Variants in ULK4 observed in about 807,000 individuals in gnomAD.
The protein encoded by ULK4 is inactive serine/threonine-protein kinase ULK4.
In ULK4, 133 loss-of-function variants were observed where a neutral mutation model predicts 160.6. That is an observed-to-expected ratio of 0.83 (90% CI 0.72 to 0.96). The LOEUF (loss-of-function observed/expected upper bound fraction) is 0.96, where lower values mean the gene tolerates loss of function less well. ULK4 is among the 40% of genes least tolerant of loss of function. The pLI, the probability that ULK4 is intolerant of heterozygous loss-of-function variation, is 0.00. For missense variants in ULK4, 1,580 were observed against 1,499.5 expected (o/e 1.05, Z -0.89); for synonymous variants, 534 against 539.8 (o/e 0.99, Z 0.15).
chr3:41,381,557 A>T (rs1430501529), intron 35 of ULK4, among the ~76,000 whole-genome samples: 1 of 152,206 alleles, frequency 6.6e-6, no homozygotes, highest in East Asian at 1.9e-4. Flanking sequence ...AATTGGAATC[A>T]TCTTTGACTA....
intron 22 of ULK4, among the ~76,000 whole-genome samples, chr3:41,733,725 ATT>A (rs778572755): frequency 7.5e-5 from 7 of 93,592 alleles, no homozygotes; most frequent in Admixed American, 1.1e-4. Flanking sequence ...TAAACACATG[ATT>A]TTTTTTTTTT....
At chr3:41,298,106 T>G (rs1356389799) in intron 35 of ULK4, among the ~76,000 whole-genome samples, 1 of 152,132 alleles carries the variant, frequency 6.6e-6, no homozygotes, top group African/African-American at 2.4e-5. Context: ...CCAAATAATA[T>G]CATACACCAT....
chr3:41,826,866 G>A (rs2041375878), intron 18 of ULK4, among the ~76,000 whole-genome samples: 2 of 142,838 alleles, frequency 1.4e-5, no homozygotes, highest in Non-Finnish European at 3.0e-5. Context: ...ATTTTTTTCA[G>A]CACCACAACA....
intron 35 of ULK4, among the ~76,000 whole-genome samples, chr3:41,354,776 G>C (rs1292646095): frequency 6.6e-6 from 1 of 152,166 alleles, no homozygotes; most frequent in African/African-American, 2.4e-5. Flanking sequence ...ATTATAACTT[G>C]TTTTTACAAA....
At chr3:41,472,973 C>T (rs930974995) in intron 32 of ULK4, among the ~76,000 whole-genome samples, 2 of 151,966 alleles carry the variant, frequency 1.3e-5, no homozygotes, top group Admixed American at 1.3e-4. Context: ...TCAACATATG[C>T]AAATCAATAT....
At chr3:41,642,421 T>A (rs2034257585) in intron 30 of ULK4, among the ~76,000 whole-genome samples, 1 of 152,130 alleles carries the variant, frequency 6.6e-6, no homozygotes, top group South Asian at 2.1e-4. Flanking sequence ...TTCCCACCTA[T>A]GAGTGAGAAC....
intron 32 of ULK4, among the ~76,000 whole-genome samples, chr3:41,481,626 G>A (rs1292368327): frequency 2.6e-5 from 4 of 151,770 alleles, no homozygotes; most frequent in Non-Finnish European, 5.9e-5. Context: ...AGGAGATCGA[G>A]ACCATCCCGG....
chr3:41,352,214 C>G (rs2080925293), intron 35 of ULK4, among the ~76,000 whole-genome samples: 1 of 152,172 alleles, frequency 6.6e-6, no homozygotes, highest in South Asian at 2.1e-4. Flanking sequence ...TGGTTACCAG[C>G]TGGACTAGAG....
At chr3:41,474,758 C>A in intron 32 of ULK4, among the ~76,000 whole-genome samples, 1 of 146,738 alleles carries the variant, frequency 6.8e-6, no homozygotes, top group African/African-American at 2.5e-5. Flanking sequence ...TGCTCATCAC[C>A]AGGGAAATAA....
intron 22 of ULK4, among the ~76,000 whole-genome samples, chr3:41,725,209 A>C (rs546316524): frequency 7.9e-5 from 12 of 152,358 alleles, no homozygotes; most frequent in African/African-American, 2.9e-4. Context: ...TTCATATGCT[A>C]TCTACCAGAA....
intron 29 of ULK4, among the ~76,000 whole-genome samples, chr3:41,677,572 C>T (rs1334245582): frequency 6.6e-6 from 1 of 152,050 alleles, no homozygotes; most frequent in Non-Finnish European, 1.5e-5. Flanking sequence ...ACCTTATGAT[C>T]CGCATGCCTC....
chr3:41,658,841 G>A (rs909974327), intron 30 of ULK4, among the ~76,000 whole-genome samples: 3 of 151,712 alleles, frequency 2.0e-5, no homozygotes, highest in African/African-American at 7.3e-5. Context: ...TTCTGAACAT[G>A]TTATGTATTA....
At chr3:41,459,873 G>A (rs1197066011) in intron 33 of ULK4, among the ~76,000 whole-genome samples, 1 of 152,180 alleles carries the variant, frequency 6.6e-6, no homozygotes, top group Non-Finnish European at 1.5e-5. Context: ...GACTGTATAA[G>A]CCTTTGAATG....
chr3:41,271,717 A>G (rs562423131), intron 35 of ULK4, among the ~76,000 whole-genome samples: 47 of 151,938 alleles, frequency 3.1e-4, no homozygotes, highest in African/African-American at 1.1e-3. Context: ...TTTATTGCTG[A>G]GTAGTATTCT....
intron 18 of ULK4, among the ~76,000 whole-genome samples, chr3:41,822,448 G>A (rs1483506410): frequency 1.3e-5 from 2 of 151,706 alleles, no homozygotes; most frequent in East Asian, 1.9e-4. Flanking sequence ...ACCAAGTTTC[G>A]CTCTTGTTGC....
chr3:41,385,429 A>G (rs2081784282), intron 35 of ULK4, among the ~76,000 whole-genome samples: 2 of 152,126 alleles, frequency 1.3e-5, no homozygotes. Context: ...AGAAATCAAA[A>G]CAGAAGGAAA....
chr3:41,279,258 A>AAAG (rs1346016391), intron 35 of ULK4, among the ~76,000 whole-genome samples: 35 of 118,064 alleles, frequency 3.0e-4, no homozygotes, highest in African/African-American at 1.3e-3. Flanking sequence ...AAAAGAGTAA[A>AAAG]AAAAAAAAAA....
chr3:41,439,354 G>T (rs2083107963), intron 34 of ULK4, among the ~76,000 whole-genome samples: 1 of 152,060 alleles, frequency 6.6e-6, no homozygotes, highest in Admixed American at 6.6e-5. Flanking sequence ...AGAAACAAGA[G>T]CATCACAAAA....
chr3:41,661,150 T>C (rs941902573), intron 30 of ULK4, among the ~76,000 whole-genome samples: 2 of 152,178 alleles, frequency 1.3e-5, no homozygotes, highest in Non-Finnish European at 2.9e-5. Flanking sequence ...TTAAATACAG[T>C]GAACAAATAT....
Sources: allele counts gnomAD v4.1 joint callset (sites outside exome capture counted in the v4.1 genomes callset), GRCh38; gene constraint gnomAD v4.1.1; transcripts MANE v1.5; gene names NCBI Gene and HGNC (gene_info 2026-07-23, HGNC 2026-07-21).